Variants in TMEM135 observed in about 807,000 individuals in gnomAD.
TMEM135 encodes peroxisomal membrane protein 52.
In TMEM135, 30 loss-of-function variants were observed where a neutral mutation model predicts 60.3. The observed-to-expected ratio is 0.50, with a 90% confidence interval of 0.37 to 0.68. The LOEUF is 0.68. Among genes scored for constraint, TMEM135 ranks in the 30% least tolerant of loss-of-function variants. The pLI is 0.00. For synonymous variants in TMEM135, 190 were observed against 186.7 expected, an observed-to-expected ratio of 1.02 and a Z score of -0.14; for missense variants, 468 against 548.8, an observed-to-expected ratio of 0.85 and a Z score of 1.47.
chr11:87,089,624 C>CAT (rs1186636611), intron 3 of TMEM135, among the ~76,000 whole-genome samples: 1 of 152,120 alleles, frequency 6.6e-6, no homozygotes, highest in Admixed American at 6.6e-5. Flanking sequence ...GAATTTGTAA[C>CAT]ATATATGTTT....
intron 3 of TMEM135, 83 bp from the exon 4 acceptor site, chr11:87,091,279 C>T (rs1291704352): frequency 8.0e-7 from 1 of 1,251,274 alleles, no homozygotes; most frequent in Non-Finnish European, 1.1e-6. Flanking sequence ...GAATATAATT[C>T]TTTTTATAGA....
At chr11:87,253,921 A>G (rs61904478) in intron 6 of TMEM135, among the ~76,000 whole-genome samples, 99,739 of 151,318 alleles carry the variant, frequency 0.66, 33,381 homozygotes, top group Non-Finnish European at 0.71. Flanking sequence ...TACTCTTTAG[A>G]AGTTATGAGA....
intron 3 of TMEM135, among the ~76,000 whole-genome samples, chr11:87,077,140 T>C (rs1188079355): frequency 6.6e-6 from 1 of 152,222 alleles, no homozygotes; most frequent in Admixed American, 6.5e-5. Context: ...AGTTGCACCA[T>C]TTTCATCAAT....
In TMEM135 at chr11:87,327,374, C is replaced by G. The variant is rs1942928540; in HGVS notation, c.*6041C>G. On this transcript the variant is annotated 3_prime_UTR_variant, in exon 15 of 15. Transcript: ENST00000305494. ...AACCAGCATATTAAAGATGCCAGGT[C>G]AGAAAAATAGAAAGAACCTGCTTCT... 1 of 453,722 alleles carries G rather than the reference C, an allele frequency of 2.2e-6. No homozygotes were observed. The highest frequency in any genetic ancestry group is 4.4e-6 in the Non-Finnish European group (1 of 226,752). 28.1% of individuals were successfully genotyped at this position (453,722 alleles called of 1,614,324 possible). A position where few individuals can be genotyped will look rare whatever the true frequency, so the allele number is the denominator to read the frequency against.
intron 5 of TMEM135, among the ~76,000 whole-genome samples, chr11:87,218,789 C>G (rs1223401134): frequency 6.6e-6 from 1 of 152,092 alleles, no homozygotes; most frequent in Non-Finnish European, 1.5e-5. Context: ...TGGTGAAACC[C>G]CGTCTCTACT....
At chr11:87,175,334 A>G (rs1010822473) in intron 5 of TMEM135, among the ~76,000 whole-genome samples, 1 of 151,492 alleles carries the variant, frequency 6.6e-6, no homozygotes, top group Non-Finnish European at 1.5e-5. Context: ...TTACTGTGTT[A>G]TATGCATTAT....
chr11:87,152,874 C>G (rs1409305089), intron 4 of TMEM135, among the ~76,000 whole-genome samples: 3 of 152,144 alleles, frequency 2.0e-5, no homozygotes, highest in Admixed American at 6.5e-5. Flanking sequence ...ATAATCAACT[C>G]TTTATACACT....
Position 87,308,943 on chromosome 11 carries a change from A to G in TMEM135, c.769-562A>G, listed in dbSNP as rs138338717. ...CTCCCTAGAGATGTTTTAGCCCGAC[A>G]GGAATGAAAACCTAGACATAATTCT... On this transcript the variant is annotated intron_variant, in intron 9 of 14. Transcript: ENST00000305494. Among the ~76,000 whole-genome samples the G allele has an allele frequency of 3.5e-3, 528 of 152,274 alleles. 2 individuals are homozygous for G. Among genetic ancestry groups the G allele is most frequent in the South Asian group, 7.9e-3 (38 of 4,826 alleles).
intron 5 of TMEM135, among the ~76,000 whole-genome samples, chr11:87,166,037 C>A (rs1319071569): frequency 1.3e-5 from 2 of 150,954 alleles, no homozygotes; most frequent in African/African-American, 4.9e-5. Flanking sequence ...AAGACTAAAC[C>A]AGGAAGAAGT....
chr11:87,234,082 A>G (rs1445116017), intron 5 of TMEM135, among the ~76,000 whole-genome samples: 1 of 152,042 alleles, frequency 6.6e-6, no homozygotes, highest in Non-Finnish European at 1.5e-5. Flanking sequence ...TTAAGTTCCC[A>G]TCTTTCTTGA....
chr11:87,281,266 A>G (rs972167654), intron 6 of TMEM135, among the ~76,000 whole-genome samples: 12 of 152,232 alleles, frequency 7.9e-5, no homozygotes. Context: ...AAATAGAAAT[A>G]GTTAATATAA....
intron 6 of TMEM135, among the ~76,000 whole-genome samples, chr11:87,272,253 A>C (rs919493812): frequency 6.6e-6 from 1 of 151,402 alleles, no homozygotes. Flanking sequence ...ACGGGGTTTC[A>C]CCAGGTTGGT....
intron 5 of TMEM135, among the ~76,000 whole-genome samples, chr11:87,179,145 G>T (rs117328917): frequency 6.6e-6 from 1 of 152,026 alleles, no homozygotes; most frequent in Non-Finnish European, 1.5e-5. Context: ...TCTTTTCATA[G>T]TGCTTATTGG....
intron 4 of TMEM135, among the ~76,000 whole-genome samples, chr11:87,113,350 C>T (rs1467718673): frequency 1.3e-5 from 2 of 152,002 alleles, no homozygotes; most frequent in African/African-American, 4.8e-5. Context: ...CTAAAATGCA[C>T]CTTGACAATG....
chr11:87,126,723 T>A (rs1312591472), intron 4 of TMEM135, among the ~76,000 whole-genome samples: 1 of 152,092 alleles, frequency 6.6e-6, no homozygotes, highest in African/African-American at 2.4e-5. Flanking sequence ...AAAGTCCCCA[T>A]GAAGTATAGC....
chr11:87,264,176 G>T (rs1452157015), intron 6 of TMEM135, among the ~76,000 whole-genome samples: 2 of 151,718 alleles, frequency 1.3e-5, no homozygotes, highest in Admixed American at 1.3e-4. Flanking sequence ...TTGTGACTAG[G>T]TTTTAAACTA....
At chr11:87,286,222 G>T (rs1332852199) in intron 6 of TMEM135, among the ~76,000 whole-genome samples, 2 of 152,136 alleles carry the variant, frequency 1.3e-5, no homozygotes, top group African/African-American at 4.8e-5. Flanking sequence ...ACAGGGTGCT[G>T]AGTGGTGTGT....
chr11:87,266,968 T>G (rs1462454023), intron 6 of TMEM135, among the ~76,000 whole-genome samples: 3 of 147,292 alleles, frequency 2.0e-5, no homozygotes, highest in Non-Finnish European at 4.4e-5. Flanking sequence ...CCGGTTGGAG[T>G]TTTGCCAGGT....
intron 5 of TMEM135, among the ~76,000 whole-genome samples, chr11:87,182,672 T>A (rs922948735): frequency 2.0e-5 from 3 of 152,184 alleles, no homozygotes; most frequent in Admixed American, 6.5e-5. Context: ...GAAGATCAGA[T>A]TTCCTTTATG....
Sources: allele counts gnomAD v4.1 joint callset (sites outside exome capture counted in the v4.1 genomes callset), GRCh38; gene constraint gnomAD v4.1.1; transcripts MANE v1.5; gene names NCBI Gene and HGNC (gene_info 2026-07-23, HGNC 2026-07-21).